The following RNF216 variants were observed in gnomAD, a reference collection of about 807,000 sequenced individuals.
RNF216 encodes E3 ubiquitin-protein ligase RNF216.
In RNF216, 72 loss-of-function variants were observed where a neutral mutation model predicts 110.8. The ratio of observed to expected loss-of-function variants is 0.65; its 90% CI spans 0.54 to 0.79. The LOEUF (loss-of-function observed/expected upper bound fraction) is 0.79. Ranked by LOEUF, RNF216 falls within the 30% of genes least tolerant of loss-of-function variation. RNF216 has a pLI of 0.00. For synonymous variants in RNF216, 495 were observed against 407.5 expected, an observed-to-expected ratio of 1.21 and a Z score of -2.59; for missense variants, 1,342 against 1,141.2, an observed-to-expected ratio of 1.18 and a Z score of -2.54.
chr7:5,639,527 G>A (rs1413836944), intron 15 of RNF216, among the ~76,000 whole-genome samples: 1 of 151,836 alleles, frequency 6.6e-6, no homozygotes, highest in East Asian at 1.9e-4. Context: ...ATAGTGGCAC[G>A]ATCTCAGCTC....
At chr7:5,767,372 T>C (rs994480206) in intron 1 of RNF216, among the ~76,000 whole-genome samples, 4 of 151,726 alleles carry the variant, frequency 2.6e-5, no homozygotes, top group South Asian at 2.1e-4. Flanking sequence ...GGCTGAGGAG[T>C]TGAAGGTCAG....
At position 5,743,661 on chromosome 7, in the gene RNF216, T is replaced by C. The variant is rs144545142; in HGVS notation, c.202-1846A>G. 4.1e-3 allele frequency among the ~76,000 whole-genome samples: 624 copies of C among 152,308 alleles called. 1 individual carries two copies. The highest frequency in any genetic ancestry group is 0.013 in the African/African-American group (550 of 41,568). On this transcript the variant is annotated intron_variant, in intron 3 of 16. Transcript: ENST00000389902. Reference sequence around the variant, plus strand: ...GTATGTATATGTACCCACATGTATATACACATGGATACATACAAATTCAAA... The same window carrying C: ...GTATGTATATGTACCCACATGTATACACACATGGATACATACAAATTCAAA...
intron 13 of RNF216, among the ~76,000 whole-genome samples, chr7:5,653,383 G>A (rs139209990): frequency 0.014 from 2,146 of 152,024 alleles, 25 homozygotes; most frequent in Non-Finnish European, 0.023. Context: ...GAGGTCATGA[G>A]GTCAGGAGAT....
intron 1 of RNF216, among the ~76,000 whole-genome samples, chr7:5,770,036 A>AAC (rs2128679103): frequency 6.8e-6 from 1 of 146,708 alleles, no homozygotes. Flanking sequence ...AAAAAAAAAA[A>AAC]AAAAAAAAAA....
chr7:5,729,277 A>G (rs554974964), intron 7 of RNF216, among the ~76,000 whole-genome samples, 155 bp downstream of exon 7: 16 of 152,336 alleles, frequency 1.1e-4, no homozygotes, highest in Admixed American at 5.9e-4. Flanking sequence ...TTAGTCCGTC[A>G]CGATGAGCAA....
At chr7:5,655,717 C>G (rs1788698625) in intron 13 of RNF216, among the ~76,000 whole-genome samples, 1 of 150,878 alleles carries the variant, frequency 6.6e-6, no homozygotes, top group Non-Finnish European at 1.5e-5. Context: ...ATTTGGAGCT[C>G]TCTCTGTGTA....
intron 13 of RNF216, among the ~76,000 whole-genome samples, chr7:5,672,460 C>T (rs748472606): frequency 3.9e-5 from 6 of 152,188 alleles, no homozygotes; most frequent in Non-Finnish European, 5.9e-5. Flanking sequence ...AAACTACACA[C>T]ACATGATGTA....
At chr7:5,747,745 T>TAAAA (rs1562457376) in intron 3 of RNF216, among the ~76,000 whole-genome samples, 19 of 11,004 alleles carry the variant, frequency 1.7e-3, no homozygotes, top group African/African-American at 6.8e-3. Context: ...AGACTCCATC[T>TAAAA]CAAAAAAAAA....
At chr7:5,743,247 C>T (rs1005639976) in intron 3 of RNF216, among the ~76,000 whole-genome samples, 2 of 151,806 alleles carry the variant, frequency 1.3e-5, no homozygotes, top group Non-Finnish European at 2.9e-5. Context: ...GGAGACAGAG[C>T]AAGACTCTGT....
chr7:5,631,058 C>A (rs1354725188), intron 15 of RNF216, among the ~76,000 whole-genome samples: 1 of 152,140 alleles, frequency 6.6e-6, no homozygotes, highest in East Asian at 1.9e-4. Context: ...TGCAGAAACA[C>A]AAGAGGGTTC....
intron 13 of RNF216, among the ~76,000 whole-genome samples, chr7:5,677,525 A>C (rs1790379778): frequency 6.6e-6 from 1 of 152,252 alleles, no homozygotes; most frequent in South Asian, 2.1e-4. Context: ...CTTCTGGTAA[A>C]TTATAATAAT....
chr7:5,713,550 C>G (rs1440430169), intron 11 of RNF216: 1 of 152,244 alleles, frequency 6.6e-6, no homozygotes, highest in Non-Finnish European at 1.5e-5. Context: ...CTGAATCACC[C>G]CAGGTAAGAG....
chr7:5,689,378 AAG>A (rs1346039810), intron 13 of RNF216, among the ~76,000 whole-genome samples: 25 of 151,256 alleles, frequency 1.7e-4, no homozygotes, highest in Admixed American at 5.3e-4. Flanking sequence ...AAAAAAAAAA[AAG>A]AAAGAAGAAG....
chr7:5,656,264 G>C (rs1788735652), intron 13 of RNF216, among the ~76,000 whole-genome samples: 1 of 152,174 alleles, frequency 6.6e-6, no homozygotes, highest in African/African-American at 2.4e-5. Flanking sequence ...GCAAGATTCA[G>C]TCACAAACAA....
chr7:5,729,816 T>A (rs547610873), intron 6 of RNF216, among the ~76,000 whole-genome samples: 5 of 152,198 alleles, frequency 3.3e-5, no homozygotes, highest in Admixed American at 3.3e-4. Flanking sequence ...TAAAGAAGTA[T>A]AGTTGGGGAT....
At chr7:5,710,023 G>C (rs796196044) in intron 13 of RNF216, among the ~76,000 whole-genome samples, 7 of 152,290 alleles carry the variant, frequency 4.6e-5, no homozygotes, top group African/African-American at 1.7e-4. Flanking sequence ...CAAAGTGCTG[G>C]GATTACAGGC....
chr7:5,654,063 T>C (rs759817541), intron 13 of RNF216, among the ~76,000 whole-genome samples: 14 of 152,104 alleles, frequency 9.2e-5, no homozygotes, highest in East Asian at 1.9e-4. Flanking sequence ...TTAAAAAAAA[T>C]CATTCTGGGT....
chr7:5,731,558 G>A (rs1194321360), intron 5 of RNF216, among the ~76,000 whole-genome samples: 14 of 151,494 alleles, frequency 9.2e-5, no homozygotes, highest in Admixed American at 8.5e-4. Flanking sequence ...GCTCTTCACA[G>A]TCAAATCAGA....
intron 13 of RNF216, among the ~76,000 whole-genome samples, chr7:5,706,261 C>T (rs1392291547): frequency 6.7e-6 from 1 of 149,918 alleles, no homozygotes; most frequent in African/African-American, 2.5e-5. Context: ...ACACACAATA[C>T]AAAAACTACC....
Sources: allele counts gnomAD v4.1 joint callset (sites outside exome capture counted in the v4.1 genomes callset), GRCh38; gene constraint gnomAD v4.1.1; transcripts MANE v1.5; gene names NCBI Gene and HGNC (gene_info 2026-07-23, HGNC 2026-07-21).